ARRB1: variants seen among roughly 807,000 people sequenced by gnomAD.
ARRB1 encodes beta-arrestin-1.
In ARRB1, 21 loss-of-function variants were observed where a neutral mutation model predicts 56.8. The observed-to-expected ratio is 0.37, with a 90% CI of 0.26 to 0.53. ARRB1 has a LOEUF of 0.53. Among genes scored for constraint, ARRB1 ranks in the 20% least tolerant of loss-of-function variants. ARRB1 has a pLI of 0.88. For synonymous variants in ARRB1, 210 were observed against 218.6 expected, an observed-to-expected ratio of 0.96 and a Z score of 0.35; for missense variants, 424 against 553.7, an observed-to-expected ratio of 0.77 and a Z score of 2.35.
At chr11:75,279,266 C>T (rs1946272796) in intron 7 of ARRB1, among the ~76,000 whole-genome samples, 3 of 152,102 alleles carry the variant, frequency 2.0e-5, no homozygotes, top group Admixed American at 1.3e-4. Flanking sequence ...ACAGCGGTCT[C>T]AAGAAGAAAT....
intron 1 of ARRB1, among the ~76,000 whole-genome samples, chr11:75,319,414 C>G (rs1947311374): frequency 6.6e-6 from 1 of 152,202 alleles, no homozygotes. Flanking sequence ...TCACACATGT[C>G]CTAAGTGCCA....
At chr11:75,298,242 TAAA>T (rs34770388) in intron 1 of ARRB1, among the ~76,000 whole-genome samples, 2 of 135,438 alleles carry the variant, frequency 1.5e-5, no homozygotes, top group Admixed American at 7.4e-5. Flanking sequence ...AAAGTATAAT[TAAA>T]AAAAAAAAAA....
In ARRB1 at chr11:75,323,247, A is replaced by G. The variant is rs553547359; in HGVS notation, c.20+28341T>C. 3.3e-5 allele frequency among the ~76,000 whole-genome samples: 5 copies of G among 152,314 alleles called. No individual in the cohort carries two copies. The South Asian group carries it at 1.0e-3, about 32-fold the overall frequency. On this transcript the variant is annotated intron_variant, in intron 1 of 15. Coordinates refer to ENST00000420843, the MANE Select transcript of ARRB1 (RefSeq NM_004041.5). Reference sequence around the variant, plus strand: ...GAAACCACAGTCCATAACAAAATGAATGTTGTTGTTTTGAGCCACTAAGTT... The same window carrying G: ...GAAACCACAGTCCATAACAAAATGAGTGTTGTTGTTTTGAGCCACTAAGTT...
intron 10 of ARRB1, among the ~76,000 whole-genome samples, chr11:75,275,123 A>ATTTATTTTATTTTATTTTAT (rs71036039): frequency 0.14 from 19,530 of 137,876 alleles, 1,668 homozygotes; most frequent in African/African-American, 0.2. Flanking sequence ...TTTAATTTAA[A>ATTTATTTTATTTTATTTTAT]TTTATTTTAT....
intron 1 of ARRB1, among the ~76,000 whole-genome samples, chr11:75,348,348 T>C (rs1300781457): frequency 1.3e-5 from 2 of 152,190 alleles, no homozygotes; most frequent in Non-Finnish European, 2.9e-5. Flanking sequence ...TCCTGTACCA[T>C]GCTCCCTGCC....
intron 6 of ARRB1, chr11:75,281,564 A>T (rs1019725319): frequency 6.2e-6 from 2 of 322,808 alleles, no homozygotes; most frequent in Non-Finnish European, 1.2e-5. Context: ...CAGATGAGGA[A>T]GCTGGGCTCA....
chr11:75,303,554 T>C, intron 1 of ARRB1: 1 of 456,190 alleles, frequency 2.2e-6, no homozygotes, highest in Non-Finnish European at 4.4e-6. Context: ...TCCTTTCTTT[T>C]CTTCCCTTTA....
chr11:75,266,339 G>T, intron 15 of ARRB1, 65 bp from the exon 16 acceptor site: 2 of 1,348,690 alleles, frequency 1.5e-6, no homozygotes, highest in South Asian at 1.2e-5. Context: ...CTTATCCAGA[G>T]GCCCGGCCAG....
At chr11:75,278,503 A>G in intron 8 of ARRB1, 106 bp downstream of exon 8, 1 of 1,490,930 alleles carries the variant, frequency 6.7e-7, no homozygotes, top group South Asian at 1.2e-5. Context: ...GGCTGGGGAT[A>G]GAAGCTCCTA....
chr11:75,287,369 C>T lies in ARRB1; in HGVS notation c.58G>A (p.Val20Ile), dbSNP rs201431751. Residue 20 changes from valine (V) to isoleucine (I), a missense_variant, in exon 3 of 16, where the codon GTC becomes ATC. Val to Ile is a conservative substitution (Grantham distance 29). Around this residue, in one of 3 missense-constraint regions of ARRB1, gnomAD observed 301 missense variants for 387.9 expected, o/e 0.78. Transcript: ENST00000420843. ...ACAAAGTCCCGCTTTCCCAGGTAGA[C>T]GGTGAGCTGAGGAGGAGAGGCATAG... ...KKASPNGKLT[V>I]YLGKRDFVDH... 5.8e-6 allele frequency: 9 copies of T among 1,560,240 alleles called. No individual in the cohort carries two copies. The highest frequency in any genetic ancestry group is 2.4e-5 in the South Asian group (2 of 84,596).
At chr11:75,344,851 G>A (rs560173359) in intron 1 of ARRB1, among the ~76,000 whole-genome samples, 4 of 152,288 alleles carry the variant, frequency 2.6e-5, no homozygotes, top group Middle Eastern at 3.4e-3. Flanking sequence ...GGGTGTGGCC[G>A]CACAAGGACC....
chr11:75,286,696 A>G (rs893981388), intron 3 of ARRB1, among the ~76,000 whole-genome samples: 1 of 152,154 alleles, frequency 6.6e-6, no homozygotes. Flanking sequence ...ATCCAATCCA[A>G]AATGTCAAGC....
chr11:75,328,157 T>G (rs543878060), intron 1 of ARRB1, among the ~76,000 whole-genome samples: 1 of 152,282 alleles, frequency 6.6e-6, no homozygotes, highest in Admixed American at 6.5e-5. Context: ...TCTATGGATT[T>G]CTCTATTCTG....
intron 1 of ARRB1, among the ~76,000 whole-genome samples, chr11:75,320,510 G>A (rs1349043230): frequency 6.6e-6 from 1 of 152,168 alleles, no homozygotes; most frequent in Non-Finnish European, 1.5e-5. Context: ...CTGAAAGCTT[G>A]GGGGGCTGGA....
At chr11:75,278,100 C>T (rs1193034820) in intron 8 of ARRB1, among the ~76,000 whole-genome samples, 1 of 152,242 alleles carries the variant, frequency 6.6e-6, no homozygotes, top group Non-Finnish European at 1.5e-5. Flanking sequence ...AGGCACTTCC[C>T]TTCAGCCATG....
chr11:75,325,758 C>T (rs1409305205), intron 1 of ARRB1, among the ~76,000 whole-genome samples: 5 of 152,230 alleles, frequency 3.3e-5, no homozygotes, highest in Admixed American at 3.3e-4. Context: ...CCAAACCAGG[C>T]TTGGCCATTA....
At chr11:75,351,489 G>C in intron 1 of ARRB1, 99 bp downstream of exon 1, 1 of 1,470,918 alleles carries the variant, frequency 6.8e-7, no homozygotes, top group South Asian at 1.3e-5. Flanking sequence ...TCCCGCGGTG[G>C]CCGCGAACGC....
At chr11:75,273,044 G>GT in intron 11 of ARRB1, 66 bp from the exon 12 acceptor site, 1 of 1,398,428 alleles carries the variant, frequency 7.2e-7, no homozygotes, top group African/African-American at 1.4e-5. Flanking sequence ...CTCAGGGGTG[G>GT]GTATGCTGGG....
intron 2 of ARRB1, 86 bp from the exon 3 acceptor site, chr11:75,287,461 C>T: frequency 7.2e-7 from 1 of 1,380,938 alleles, no homozygotes; most frequent in Admixed American, 2.1e-5. Context: ...TGCGGGCAGC[C>T]TCTGAAACTC....
Sources: allele counts gnomAD v4.1 joint callset (sites outside exome capture counted in the v4.1 genomes callset), GRCh38; gene constraint gnomAD v4.1.1; regional missense constraint gnomAD v4.1.1; transcripts MANE v1.5; gene names NCBI Gene and HGNC (gene_info 2026-07-23, HGNC 2026-07-21).